Variants in LRRC4C observed in about 807,000 individuals in gnomAD.
LRRC4C encodes leucine-rich repeat-containing protein 4C.
In LRRC4C, 5 loss-of-function variants were observed where a neutral mutation model predicts 33.6. That is an observed-to-expected ratio of 0.15 (90% CI 0.08 to 0.31). The LOEUF (loss-of-function observed/expected upper bound fraction) is 0.31, where lower values mean the gene tolerates loss of function less well. Among genes scored for constraint, LRRC4C ranks in the 10% least tolerant of loss-of-function variants. The pLI, the probability that LRRC4C is intolerant of heterozygous loss-of-function variation, is 1.00. For missense variants in LRRC4C, 560 were observed against 796.7 expected (o/e 0.70, Z 3.58); for synonymous variants, 329 against 302.0 (o/e 1.09, Z -0.93).
intron 3 of LRRC4C, among the ~76,000 whole-genome samples, chr11:40,357,248 T>C (rs527905437): frequency 1.1e-4 from 16 of 152,210 alleles, no homozygotes; most frequent in African/African-American, 3.9e-4. Context: ...ATTAAAAATA[T>C]GGTTATATTT....
At chr11:41,009,024 GA>G (rs1854969585) in intron 1 of LRRC4C, among the ~76,000 whole-genome samples, 3 of 151,868 alleles carry the variant, frequency 2.0e-5, no homozygotes, top group African/African-American at 7.2e-5. Context: ...AAATTTATAT[GA>G]AAGATAACGC....
At chr11:41,107,126 A>C (rs1015210372) in intron 1 of LRRC4C, among the ~76,000 whole-genome samples, 1 of 150,604 alleles carries the variant, frequency 6.6e-6, no homozygotes, top group Non-Finnish European at 1.5e-5. Flanking sequence ...CCCCAAATTC[A>C]AAAACCCAAA....
At chr11:40,271,852 T>C (rs1190889186) in intron 4 of LRRC4C, among the ~76,000 whole-genome samples, 1 of 152,208 alleles carries the variant, frequency 6.6e-6, no homozygotes, top group East Asian at 1.9e-4. Context: ...TATTCTATCA[T>C]GTCCTATGAT....
chr11:41,398,579 G>T (rs1953908947), intron 1 of LRRC4C, among the ~76,000 whole-genome samples: 1 of 151,922 alleles, frequency 6.6e-6, no homozygotes. Flanking sequence ...ATCACTGAAT[G>T]TTACCTTGTG....
chr11:41,456,899 G>C (rs1956186224), intron 1 of LRRC4C, among the ~76,000 whole-genome samples: 1 of 152,096 alleles, frequency 6.6e-6, no homozygotes, highest in Non-Finnish European at 1.5e-5. Flanking sequence ...AGTTACAGTT[G>C]TGCAAACACC....
At chr11:40,425,123 T>G (rs555995637) in intron 3 of LRRC4C, among the ~76,000 whole-genome samples, 1 of 119,422 alleles carries the variant, frequency 8.4e-6, no homozygotes, top group Non-Finnish European at 1.8e-5. Flanking sequence ...CTCATCTTTG[T>G]GGGGAAAAAA....
rs543835979 is a variant in LRRC4C, at chr11:40,952,113, G to C, written c.-495-18390C>G. 1.2e-4 allele frequency among the ~76,000 whole-genome samples: 18 copies of C among 151,876 alleles called. No individual in the cohort carries two copies. In the South Asian group the frequency reaches 3.5e-3, roughly 30 times the overall value. ...GTGTGTGATGCACATACTGTCCAAG[G>C]CATCTTACAAGGTGAACATTATTAT... On this transcript the variant is annotated intron_variant, in intron 1 of 6. Transcript: ENST00000528697.
At chr11:40,184,282 T>C (rs1861236230) in intron 5 of LRRC4C, among the ~76,000 whole-genome samples, 1 of 152,144 alleles carries the variant, frequency 6.6e-6, no homozygotes, top group African/African-American at 2.4e-5. Flanking sequence ...TTAGTGGAAA[T>C]GACTGAGGGG....
chr11:40,647,944 G>GACTGAAGCCCAAATGAACAAGATGA (rs1390935453), intron 3 of LRRC4C, among the ~76,000 whole-genome samples, 198 bp downstream of exon 3: 4 of 152,138 alleles, frequency 2.6e-5, no homozygotes, highest in Admixed American at 2.6e-4. Flanking sequence ...TTTTGTAACT[G>GACTGAAGCCCAAATGAACAAGATGA]ACTGAAGCCC....
At chr11:40,635,085 A>G (rs1050571541) in intron 3 of LRRC4C, among the ~76,000 whole-genome samples, 5 of 152,158 alleles carry the variant, frequency 3.3e-5, no homozygotes, top group Admixed American at 6.5e-5. Context: ...GCAGTCTTAC[A>G]AAAAGATTCC....
At chr11:40,742,411 T>C (rs922199183) in intron 2 of LRRC4C, among the ~76,000 whole-genome samples, 12 of 152,032 alleles carry the variant, frequency 7.9e-5, no homozygotes, top group Non-Finnish European at 7.4e-5. Context: ...CCTAAGTAGT[T>C]AAGGCAGCTT....
chr11:40,307,169 C>G (rs913410988), intron 4 of LRRC4C, among the ~76,000 whole-genome samples: 8 of 152,072 alleles, frequency 5.3e-5, no homozygotes, highest in Non-Finnish European at 7.4e-5. Context: ...CCTCACCCCC[C>G]ATTATGACAA....
intron 3 of LRRC4C, among the ~76,000 whole-genome samples, chr11:40,561,538 A>G (rs1167750234): frequency 2.7e-5 from 4 of 148,544 alleles, no homozygotes; most frequent in Non-Finnish European, 4.4e-5. Flanking sequence ...TCAGCTTCCC[A>G]AGTAGCTAGG....
intron 2 of LRRC4C, among the ~76,000 whole-genome samples, chr11:40,746,472 T>C (rs1011148580): frequency 1.1e-4 from 16 of 152,060 alleles, no homozygotes; most frequent in African/African-American, 3.9e-4. Flanking sequence ...AGGGCAGAGG[T>C]GCGTGTAGAG....
intron 2 of LRRC4C, among the ~76,000 whole-genome samples, chr11:40,877,512 C>T (rs916339899): frequency 2.0e-5 from 3 of 152,170 alleles, no homozygotes; most frequent in African/African-American, 7.2e-5. Flanking sequence ...TGAATATCCT[C>T]TGCTATTTCA....
At chr11:40,404,866 T>C (rs1013669465) in intron 3 of LRRC4C, among the ~76,000 whole-genome samples, 1 of 151,836 alleles carries the variant, frequency 6.6e-6, no homozygotes, top group Non-Finnish European at 1.5e-5. Context: ...ATATGATATA[T>C]ATATAATAAA....
intron 1 of LRRC4C, among the ~76,000 whole-genome samples, chr11:41,062,985 C>A (rs958035463): frequency 1.3e-5 from 2 of 151,956 alleles, no homozygotes; most frequent in Admixed American, 1.3e-4. Context: ...TGATTTTAGA[C>A]CTAAGAGACA....
chr11:40,900,632 T>C (rs921046018), intron 2 of LRRC4C, among the ~76,000 whole-genome samples: 19 of 151,894 alleles, frequency 1.3e-4, no homozygotes, highest in African/African-American at 3.4e-4. Context: ...ATTTATAATA[T>C]ATATAAAATA....
intron 1 of LRRC4C, among the ~76,000 whole-genome samples, chr11:41,359,965 C>T (rs550839666): frequency 3.3e-4 from 50 of 152,248 alleles, no homozygotes; most frequent in Admixed American, 2.3e-3. Context: ...GGCAGATCAT[C>T]CGCAGTCAGG....
Sources: gnomAD v4.1 joint callset for allele counts (sites outside exome capture counted in the v4.1 genomes callset) on GRCh38, gnomAD v4.1.1 for gene constraint, MANE v1.5 for transcripts, NCBI Gene and HGNC (gene_info 2026-07-23, HGNC 2026-07-21) for gene names.